The following AOPEP variants were observed in gnomAD, a reference collection of about 807,000 sequenced individuals.
AOPEP encodes aminopeptidase O.
In AOPEP, 77 loss-of-function variants were observed where a neutral mutation model predicts 98.1. The ratio of observed to expected loss-of-function variants is 0.78; its 90% CI spans 0.65 to 0.95. The LOEUF (loss-of-function observed/expected upper bound fraction) is 0.95, where lower values mean the gene tolerates loss of function less well. Ranked by LOEUF, AOPEP falls within the 40% of genes least tolerant of loss-of-function variation. AOPEP has a pLI of 0.00. For synonymous variants in AOPEP, 346 were observed against 365.3 expected (o/e 0.95, Z 0.60); for missense variants, 1,024 against 1,024.7 (o/e 1.00, Z 0.01).
At chr9:94,808,495 CCA>C (rs985140237) in intron 5 of AOPEP, among the ~76,000 whole-genome samples, 1 of 152,164 alleles carries the variant, frequency 6.6e-6, no homozygotes, top group African/African-American at 2.4e-5. Flanking sequence ...TGATTTAACC[CCA>C]GAGTGGAGCT....
At chr9:94,977,195 G>A (rs1038805008) in intron 10 of AOPEP, among the ~76,000 whole-genome samples, 3 of 152,170 alleles carry the variant, frequency 2.0e-5, no homozygotes, top group Admixed American at 6.5e-5. Flanking sequence ...TTGAAAGCAA[G>A]GCTGCCCAGT....
chr9:95,001,658 A>G (rs2132591608), intron 11 of AOPEP, among the ~76,000 whole-genome samples: 1 of 152,338 alleles, frequency 6.6e-6, no homozygotes, highest in East Asian at 1.9e-4. Context: ...CAATATGTAA[A>G]TCTTTCATTC....
intron 5 of AOPEP, among the ~76,000 whole-genome samples, chr9:94,829,424 A>G (rs1855443299): frequency 6.6e-6 from 1 of 152,220 alleles, no homozygotes; most frequent in Non-Finnish European, 1.5e-5. Flanking sequence ...TGTGGAAGTC[A>G]TTCTTCCAAA....
chr9:95,048,432 G>T (rs1224321320), intron 13 of AOPEP, among the ~76,000 whole-genome samples: 1 of 151,800 alleles, frequency 6.6e-6, no homozygotes, highest in Non-Finnish European at 1.5e-5. Context: ...CGGCCCATCC[G>T]GGGCGGGGCG....
At chr9:95,020,463 A>G (rs2063352699) in intron 13 of AOPEP, among the ~76,000 whole-genome samples, 1 of 152,202 alleles carries the variant, frequency 6.6e-6, no homozygotes, top group African/African-American at 2.4e-5. Context: ...AAGAGCAGAT[A>G]AGGATTCTAT....
intron 7 of AOPEP, among the ~76,000 whole-genome samples, chr9:94,942,022 A>G (rs2057063817): frequency 6.6e-6 from 1 of 152,222 alleles, no homozygotes; most frequent in South Asian, 2.1e-4. Context: ...GGGAAAGTAA[A>G]TTTTGTAAGT....
chr9:94,892,732 G>T (rs1022603161), intron 5 of AOPEP, among the ~76,000 whole-genome samples: 6 of 152,186 alleles, frequency 3.9e-5, no homozygotes, highest in African/African-American at 1.4e-4. Context: ...ATTTTTTAAA[G>T]AGGGAGGGTC....
At chr9:94,896,235 A>G (rs2049542581) in intron 5 of AOPEP, among the ~76,000 whole-genome samples, 1 of 152,270 alleles carries the variant, frequency 6.6e-6, no homozygotes, top group Non-Finnish European at 1.5e-5. Context: ...ACAAACAGTT[A>G]TAATGGAAGA....
At chr9:94,952,944 C>G (rs572958939) in intron 7 of AOPEP, among the ~76,000 whole-genome samples, 2 of 152,100 alleles carry the variant, frequency 1.3e-5, no homozygotes, top group Admixed American at 6.6e-5. Context: ...AAAACAGCAA[C>G]TGAAGGCGTC....
chr9:94,763,846 G>A (rs1008517769), intron 2 of AOPEP, among the ~76,000 whole-genome samples: 3 of 152,168 alleles, frequency 2.0e-5, no homozygotes, highest in African/African-American at 7.2e-5. Context: ...ATAGCCATTA[G>A]TCCAGCTGAT....
intron 11 of AOPEP, among the ~76,000 whole-genome samples, chr9:94,982,311 C>T (rs2060232906): frequency 2.0e-5 from 3 of 152,048 alleles, no homozygotes; most frequent in South Asian, 2.1e-4. Context: ...ATAACATGCC[C>T]TCCGTAGCAA....
intron 14 of AOPEP, among the ~76,000 whole-genome samples, chr9:95,064,205 G>A (rs1422478783): frequency 6.6e-6 from 1 of 152,244 alleles, no homozygotes; most frequent in African/African-American, 2.4e-5. Flanking sequence ...TGGAAAAAAC[G>A]ACCAGCGTCA....
downstream of AOPEP, among the ~76,000 whole-genome samples, chr9:95,091,901 C>T (rs898444523): frequency 6.6e-6 from 1 of 152,178 alleles, no homozygotes; most frequent in African/African-American, 2.4e-5. Context: ...ATGGGAGGCC[C>T]AGCCTGAGAA....
chr9:94,773,213 T>C, intron 3 of AOPEP, 45 bp downstream of exon 3: 1 of 1,528,224 alleles, frequency 6.5e-7, no homozygotes, highest in Non-Finnish European at 8.9e-7. Flanking sequence ...TGCACACATG[T>C]GGACCCAGGA....
chr9:95,130,441 C>T, the AOPEP span, among the ~76,000 whole-genome samples: 1 of 152,050 alleles, frequency 6.6e-6, no homozygotes, highest in Non-Finnish European at 1.5e-5. Context: ...AGTGAAGGAA[C>T]AGAAAAAATT....
chr9:94,992,790 GT>G (rs1349883528), intron 11 of AOPEP, among the ~76,000 whole-genome samples: 2 of 152,224 alleles, frequency 1.3e-5, no homozygotes, highest in Non-Finnish European at 2.9e-5. Context: ...GGTGTACCTG[GT>G]CGCATCTGAG....
the AOPEP span, among the ~76,000 whole-genome samples, chr9:95,103,721 C>T: frequency 0.023 from 3,466 of 152,272 alleles, 132 homozygotes; most frequent in African/African-American, 0.078. Flanking sequence ...AAGAGGATTC[C>T]GGGACAGCCG....
chr9:95,007,844 G>C (rs1345738687), intron 13 of AOPEP, among the ~76,000 whole-genome samples: 1 of 152,208 alleles, frequency 6.6e-6, no homozygotes, highest in Non-Finnish European at 1.5e-5. Context: ...ATTGAGCTTT[G>C]TGATCATGTG....
At chr9:94,859,811 G>A (rs2044704018) in intron 5 of AOPEP, among the ~76,000 whole-genome samples, 1 of 152,128 alleles carries the variant, frequency 6.6e-6, no homozygotes, top group African/African-American at 2.4e-5. Context: ...TTATGCTTTT[G>A]TTTGCTCATC....
Sources: gnomAD v4.1 joint callset for allele counts (sites outside exome capture counted in the v4.1 genomes callset) on GRCh38, gnomAD v4.1.1 for gene constraint, MANE v1.5 for transcripts, NCBI Gene and HGNC (gene_info 2026-07-23, HGNC 2026-07-21) for gene names.